Variants in WBP11 observed in about 807,000 individuals in gnomAD.
WBP11 encodes WW domain-binding protein 11.
WBP11 carries 12 observed loss-of-function variants against 66.7 expected under a neutral mutation model. The ratio of observed to expected loss-of-function variants is 0.18; its 90% CI spans 0.12 to 0.29. The LOEUF is 0.29. Among genes scored for constraint, WBP11 ranks in the 10% least tolerant of loss-of-function variants. The pLI, the probability that WBP11 is intolerant of heterozygous loss-of-function variation, is 1.00. For missense variants in WBP11, 555 were observed against 818.3 expected, an observed-to-expected ratio of 0.68 and a Z score of 3.93; for synonymous variants, 255 against 273.8, an observed-to-expected ratio of 0.93 and a Z score of 0.68.
rs1321294408 is a variant in WBP11 at position 14,784,997 on chromosome 12, T to TATC, written c.*2065_*2067dup. The TATC allele has an allele frequency of 1.3e-5, 2 of 152,238 alleles. No individual in the cohort carries two copies. The highest frequency in any genetic ancestry group is 4.8e-5 in the African/African-American group (2 of 41,454). The allele number at this position is 152,238 out of a possible 1,614,324, so 9.4% of individuals were successfully genotyped here. ...ATAAGGAAATGCCTTTATGATAAAC[T>TATC]ATCAACAGCTTTCTTATATTAACAT... On this transcript the variant is annotated 3_prime_UTR_variant, in exon 12 of 12. Transcript: ENST00000261167.
chr12:14,787,599 G>A, intron 11 of WBP11, 101 bp from the exon 12 acceptor site: 1 of 1,068,592 alleles, frequency 9.4e-7, no homozygotes, highest in African/African-American at 1.6e-5. Context: ...TAAATAAATG[G>A]ATAACAACTT....
intron 11 of WBP11, among the ~76,000 whole-genome samples, chr12:14,788,615 AT>A (rs1299194608): frequency 6.6e-6 from 1 of 152,214 alleles, no homozygotes; most frequent in African/African-American, 2.4e-5. Context: ...TAACCTTGAC[AT>A]TAGGTAGAGG....
At chr12:14,790,261 T>C (rs1428629109) in intron 10 of WBP11, among the ~76,000 whole-genome samples, 195 bp downstream of exon 10, 2 of 152,334 alleles carry the variant, frequency 1.3e-5, no homozygotes, top group East Asian at 1.9e-4. Context: ...CAGGTGGCTG[T>C]CAGTAGAACT....
chr12:14,790,823 T>A, intron 9 of WBP11, 74 bp from the exon 10 acceptor site: 1 of 1,359,178 alleles, frequency 7.4e-7, no homozygotes, highest in Admixed American at 2.1e-5. Context: ...AATGACTGAA[T>A]ACACATGGTT....
Position 14,794,642 on chromosome 12 carries a change from G to C in WBP11, c.616C>G (p.Pro206Ala), listed in dbSNP as rs1949867999. The part of the protein sequence containing the change: ...GRKPPGPPPG[P>A]PPPQVVQMYG... ...ATCTGCACGACTTGAGGAGGAGGTG[G>C]ACCAGGGGGAGGGCCAGGAGGTTTT... The change falls in exon 7 of 12, where the codon CCA becomes GCA. Residue 206 changes from proline to alanine, a missense_variant. Coordinates refer to ENST00000261167, the MANE Select transcript of WBP11 (RefSeq NM_016312.3). 3 of 1,613,842 alleles carry C rather than the reference G, an allele frequency of 1.9e-6. No homozygotes were observed. The highest frequency in any genetic ancestry group is 1.7e-6 in the Non-Finnish European group (2 of 1,179,910).
rs1271386533 is a variant in WBP11 at position 14,787,079 on chromosome 12, C to T, written c.1912G>A (p.Glu638Lys). 6.2e-7 allele frequency: 1 copy of T among 1,612,488 alleles called. No individual in the cohort carries two copies. The highest frequency in any genetic ancestry group is 8.5e-7 in the Non-Finnish European group (1 of 1,178,846). ...DVYEAFMKEM[E>K]GLL Reference sequence around the variant, plus strand: ...ATCAAAAGCTGTCACAGTAGCCCTTCCATCTCTTTCATGAAAGCCTCATAG... The same window carrying T: ...ATCAAAAGCTGTCACAGTAGCCCTTTCATCTCTTTCATGAAAGCCTCATAG... Residue 638 changes from glutamate (E) to lysine (K), a missense_variant, in exon 12 of 12, where the codon GAA becomes AAA. By Grantham distance (56) the Glu-to-Lys change is moderately conservative. Transcript: ENST00000261167.
intron 8 of WBP11, 72 bp downstream of exon 8, chr12:14,793,659 A>G: frequency 6.6e-7 from 1 of 1,508,378 alleles, no homozygotes; most frequent in Non-Finnish European, 9.0e-7. Context: ...TCACAGATTC[A>G]TTAATAAATT....
At position 14,787,508 on chromosome 12, in the gene WBP11, T is replaced by C; in HGVS notation, c.1493-10A>G. On this transcript the variant is annotated splice_polypyrimidine_tract_variant and intron_variant, in intron 11 of 11. Transcript: ENST00000261167. Reference sequence around the variant, plus strand: ...CGAGGTGGAGGAATACCTAAATGAATAAAATAGGCAAGATGAATACTGTAA... The same window carrying C: ...CGAGGTGGAGGAATACCTAAATGAACAAAATAGGCAAGATGAATACTGTAA... 1 of 1,491,734 alleles carries C rather than the reference T, an allele frequency of 6.7e-7. No individual in the cohort carries two copies. Among genetic ancestry groups the C allele is most frequent in the Non-Finnish European group, 8.9e-7 (1 of 1,118,578 alleles). The allele number at this position is 1,491,734 out of a possible 1,614,324, so 92.4% of individuals were successfully genotyped here.
At chr12:14,789,264 TAC>T (rs1333236081) in intron 10 of WBP11, 131 bp from the exon 11 acceptor site, 37 of 855,102 alleles carry the variant, frequency 4.3e-5, no homozygotes, top group Non-Finnish European at 6.4e-5. Context: ...TAATGAAACA[TAC>T]ATGGAAACAG....
Position 14,787,242 on chromosome 12 carries a change from C to T in WBP11, c.1749G>A (p.Leu583=). Residue 583 remains leucine (L), a synonymous_variant, in exon 12 of 12, where the codon CTG becomes CTA. Coordinates refer to ENST00000261167, the MANE Select transcript of WBP11 (RefSeq NM_016312.3). The part of the protein sequence containing the change: ...AEITRFVPTA[L]RVRRENKGAT... The stretch of plus-strand genomic sequence containing the variant: ...CCCCTTTATTCTCCCGACGTACTCT[C>T]AGTGCAGTGGGCACAAATCGAGTAA... 6.2e-7 allele frequency: 1 copy of T among 1,614,198 alleles called. No homozygotes were observed. The highest frequency in any genetic ancestry group is 1.6e-4 in the Middle Eastern group (1 of 6,062).
chr12:14,801,244 C>A, intron 2 of WBP11, 76 bp downstream of exon 2: 2 of 1,442,626 alleles, frequency 1.4e-6, no homozygotes, highest in Non-Finnish European at 1.9e-6. Flanking sequence ...AATTAAGCCA[C>A]AGAGAAAGAA....
chr12:14,799,477 T>C, intron 4 of WBP11, 158 bp downstream of exon 4: 3 of 655,856 alleles, frequency 4.6e-6, no homozygotes, highest in East Asian at 3.1e-5. Flanking sequence ...GCAACAGCCC[T>C]CTAGCACTCC....
At position 14,785,640 on chromosome 12, in the gene WBP11, A is replaced by G. The variant is rs1443122676; in HGVS notation, c.*1425T>C. 3.9e-5 allele frequency: 6 copies of G among 152,240 alleles called. No individual in the cohort carries two copies. Among genetic ancestry groups the G allele is most frequent in the Non-Finnish European group, 8.8e-5 (6 of 68,034 alleles). The allele number at this position is 152,240 out of a possible 1,614,324, so 9.4% of individuals were successfully genotyped here. On this transcript the variant is annotated 3_prime_UTR_variant, in exon 12 of 12. Coordinates refer to ENST00000261167, the MANE Select transcript of WBP11 (RefSeq NM_016312.3). ...ACAAAAGATCTTGAATAAAAATCTA[A>G]AAATCCATCAACTCAACTCTAAGAA... is the stretch of plus-strand genomic sequence containing the variant.
chr12:14,800,681 C>T, intron 3 of WBP11, 71 bp downstream of exon 3: 1 of 1,322,280 alleles, frequency 7.6e-7, no homozygotes, highest in Non-Finnish European at 1.1e-6. Flanking sequence ...TATTCTGAAA[C>T]CCACTAATCC....
chr12:14,795,195 C>T, intron 5 of WBP11, 91 bp from the exon 6 acceptor site: 8 of 1,350,864 alleles, frequency 5.9e-6, no homozygotes, highest in Non-Finnish European at 7.8e-6. Flanking sequence ...GTAACTTGGA[C>T]ATGCTTTCCA....
rs1274813867 is a variant in WBP11 at position 14,790,580 on chromosome 12, C to T, written c.1185G>A (p.Gln395=). Reference sequence around the variant, plus strand: ...CTTGTATCTGAGAAGGAGGAACAGACTGCGGCGGAGCCTGCTGCTGTGAAG... The same window carrying T: ...CTTGTATCTGAGAAGGAGGAACAGATTGCGGCGGAGCCTGCTGCTGTGAAG... ...TASSQQQAPP[Q]SVPPSQIQAP... The change falls in exon 10 of 12, where the codon CAG becomes CAA. Residue 395 remains glutamine, a synonymous_variant. Transcript: ENST00000261167. 1.9e-6 allele frequency: 3 copies of T among 1,614,010 alleles called. No individual in the cohort carries two copies. Among genetic ancestry groups the T allele is most frequent in the Non-Finnish European group, 1.7e-6 (2 of 1,179,880 alleles).
intron 8 of WBP11, among the ~76,000 whole-genome samples, chr12:14,793,104 T>A (rs1949840948): frequency 6.6e-6 from 1 of 152,152 alleles, no homozygotes; most frequent in Non-Finnish European, 1.5e-5. Flanking sequence ...TTACATAGTA[T>A]TATATATTCT....
rs1181285488 is a variant in WBP11 at position 14,793,732 on chromosome 12, T to C, written c.912A>G (p.Ser304=). Residue 304 remains serine, a splice_region_variant and synonymous_variant, in exon 8 of 12, where the codon TCA becomes TCG. Transcript: ENST00000261167. ...CATGAATCCTTCATCTGCACATACC[T>C]GACTTCTTTTCTTCATTGTTGTCTC... ...GERDNNEEKK[S]GLSVRFADMP... is the part of the protein sequence containing the mutation. 2.0e-5 allele frequency: 33 copies of C among 1,613,852 alleles called. No homozygotes were observed. The highest frequency in any genetic ancestry group is 2.8e-5 in the Non-Finnish European group (33 of 1,179,832).
chr12:14,794,684 G>T lies in WBP11; in HGVS notation c.574C>A (p.Arg192Ser), dbSNP rs201563071. Reference sequence around the variant, plus strand: ...GGAGGTTTTCTGCCAGGGGGCAAACGTGGAACACCATGTCCAAGAAGAGGA... The same window carrying T: ...GGAGGTTTTCTGCCAGGGGGCAAACTTGGAACACCATGTCCAAGAAGAGGA... ...ILPLLGHGVPRLPPGRKPPGP... is the reference protein window; with the variant it reads ...ILPLLGHGVPSLPPGRKPPGP... The change falls in exon 7 of 12, where the codon CGT becomes AGT. Residue 192 changes from arginine (R) to serine (S), a missense_variant. Arg to Ser is a moderately radical substitution (Grantham distance 110, BLOSUM62 -1). This residue lies in a region of WBP11 where 220 missense variants were observed against 268.2 expected (regional missense o/e 0.82). Coordinates refer to ENST00000261167, the MANE Select transcript of WBP11 (RefSeq NM_016312.3). The T allele has an allele frequency of 5.6e-6, 9 of 1,607,246 alleles. No individual in the cohort carries two copies. In the East Asian group the frequency reaches 1.8e-4, roughly 32 times the overall value.
Sources: gnomAD v4.1 joint callset for allele counts (sites outside exome capture counted in the v4.1 genomes callset) on GRCh38, gnomAD v4.1.1 for gene constraint, gnomAD v4.1.1 regional missense constraint, MANE v1.5 for transcripts, NCBI Gene and HGNC (gene_info 2026-07-23, HGNC 2026-07-21) for gene names.